Variants in SH3GL2 observed in about 807,000 individuals in gnomAD.
SH3GL2 encodes the protein endophilin-A1.
In SH3GL2, 24 loss-of-function variants were observed where a neutral mutation model predicts 46.0. That is an observed-to-expected ratio of 0.52 (90% confidence interval 0.38 to 0.73). The LOEUF (loss-of-function observed/expected upper bound fraction) is 0.73, where lower values mean the gene tolerates loss of function less well. SH3GL2 is among the 30% of genes least tolerant of loss of function. The probability of loss-of-function intolerance (pLI) is 0.00; values close to 1 mark genes in which losing one functional copy is unlikely to be tolerated. For synonymous variants in SH3GL2, 196 were observed against 147.1 expected, an observed-to-expected ratio of 1.33 and a Z score of -2.40; for missense variants, 413 against 424.2, an observed-to-expected ratio of 0.97 and a Z score of 0.23.
At chr9:17,723,404 A>G (rs1821944250) in intron 1 of SH3GL2, among the ~76,000 whole-genome samples, 1 of 152,144 alleles carries the variant, frequency 6.6e-6, no homozygotes, top group Admixed American at 6.5e-5. Context: ...ATGAGCTGTT[A>G]TTAATAATTT....
At chr9:17,677,491 A>G (rs1205073028) in intron 1 of SH3GL2, among the ~76,000 whole-genome samples, 2 of 152,180 alleles carry the variant, frequency 1.3e-5, no homozygotes, top group African/African-American at 4.8e-5. Flanking sequence ...TATGCATTAA[A>G]TGAATGAATG....
chr9:17,761,341 G>A, intron 2 of SH3GL2, 96 bp from the exon 3 acceptor site: 2 of 792,472 alleles, frequency 2.5e-6, no homozygotes, highest in Non-Finnish European at 2.3e-6. Context: ...CCGGGGCTCT[G>A]TTGCATACCC....
At chr9:17,582,128 G>T (rs1818288899) in intron 1 of SH3GL2, among the ~76,000 whole-genome samples, 1 of 152,146 alleles carries the variant, frequency 6.6e-6, no homozygotes, top group African/African-American at 2.4e-5. Context: ...TGTCACAACT[G>T]TTGTCTTATA....
chr9:17,777,670 C>A (rs931217985), intron 3 of SH3GL2, among the ~76,000 whole-genome samples: 1 of 152,044 alleles, frequency 6.6e-6, no homozygotes, highest in African/African-American at 2.4e-5. Flanking sequence ...CTCATGTAAC[C>A]TTTTCGTGGT....
intron 1 of SH3GL2, among the ~76,000 whole-genome samples, chr9:17,640,415 G>A (rs1259540732): frequency 6.6e-6 from 1 of 151,598 alleles, no homozygotes; most frequent in Non-Finnish European, 1.5e-5. Flanking sequence ...TTTTCCAAGG[G>A]CATTATTTCT....
At chr9:17,598,976 A>G (rs1023519484) in intron 1 of SH3GL2, among the ~76,000 whole-genome samples, 17 of 152,342 alleles carry the variant, frequency 1.1e-4, no homozygotes, top group African/African-American at 3.8e-4. Context: ...GGTCAATGGA[A>G]CAAAATGGAA....
intron 1 of SH3GL2, among the ~76,000 whole-genome samples, chr9:17,641,511 T>C (rs1024824944): frequency 2.6e-5 from 4 of 152,196 alleles, no homozygotes; most frequent in African/African-American, 9.7e-5. Context: ...TACATTGATA[T>C]ACATGTGCCA....
At chr9:17,772,404 A>G (rs1823510868) in intron 3 of SH3GL2, among the ~76,000 whole-genome samples, 1 of 152,188 alleles carries the variant, frequency 6.6e-6, no homozygotes. Flanking sequence ...TATTAAATAC[A>G]TTCATAATGT....
chr9:17,620,896 C>T (rs918947947), intron 1 of SH3GL2, among the ~76,000 whole-genome samples: 3 of 152,104 alleles, frequency 2.0e-5, no homozygotes, highest in Admixed American at 6.6e-5. Context: ...GGGGCATTAT[C>T]TTCAAAATAT....
intron 1 of SH3GL2, among the ~76,000 whole-genome samples, chr9:17,619,537 G>A (rs2134598142): frequency 6.6e-6 from 1 of 152,156 alleles, no homozygotes; most frequent in Non-Finnish European, 1.5e-5. Context: ...AATTAGCTGG[G>A]CTTGGTGGCA....
chr9:17,654,794 A>C (rs1434081096), intron 1 of SH3GL2, among the ~76,000 whole-genome samples: 1 of 152,206 alleles, frequency 6.6e-6, no homozygotes. Context: ...ACCCAACTGC[A>C]AAGGTGCTAT....
intron 1 of SH3GL2, among the ~76,000 whole-genome samples, chr9:17,605,478 G>C (rs1363925679): frequency 2.0e-5 from 3 of 152,032 alleles, no homozygotes; most frequent in Admixed American, 6.6e-5. Flanking sequence ...TATATGATAG[G>C]GGTAAGAGGC....
At chr9:17,709,362 T>A (rs528271517) in intron 1 of SH3GL2, among the ~76,000 whole-genome samples, 3 of 152,128 alleles carry the variant, frequency 2.0e-5, no homozygotes, top group African/African-American at 7.2e-5. Context: ...TAATCGCAGA[T>A]GTAAGAGCAT....
intron 1 of SH3GL2, among the ~76,000 whole-genome samples, chr9:17,691,558 A>T (rs1365471007): frequency 6.6e-6 from 1 of 152,028 alleles, no homozygotes; most frequent in African/African-American, 2.4e-5. Context: ...TTTGCGTATG[A>T]CTCCCACATG....
At chr9:17,598,633 A>G (rs1035314304) in intron 1 of SH3GL2, among the ~76,000 whole-genome samples, 16 of 152,190 alleles carry the variant, frequency 1.1e-4, no homozygotes, top group African/African-American at 3.4e-4. Context: ...ACTTATTGGA[A>G]TCCCTTTCTC....
chr9:17,653,474 C>T (rs979242964), intron 1 of SH3GL2, among the ~76,000 whole-genome samples: 2 of 152,070 alleles, frequency 1.3e-5, no homozygotes, highest in African/African-American at 4.8e-5. Context: ...TTCTAAGATA[C>T]TGTGTAGGTT....
At chr9:17,673,977 C>G (rs762595992) in intron 1 of SH3GL2, among the ~76,000 whole-genome samples, 2 of 152,124 alleles carry the variant, frequency 1.3e-5, no homozygotes, top group Non-Finnish European at 2.9e-5. Context: ...TCTTTAAGCT[C>G]CTTGAATGGA....
intron 2 of SH3GL2, among the ~76,000 whole-genome samples, chr9:17,750,412 G>C (rs1256649029): frequency 6.6e-6 from 1 of 151,962 alleles, no homozygotes; most frequent in African/African-American, 2.4e-5. Flanking sequence ...TCTCTAATCA[G>C]CCGCCCCAGC....
At chr9:17,647,506 T>C (rs944725310) in intron 1 of SH3GL2, among the ~76,000 whole-genome samples, 3 of 152,102 alleles carry the variant, frequency 2.0e-5, no homozygotes, top group Admixed American at 6.5e-5. Context: ...GGGATTCAAA[T>C]TGAGACCACA....
Sources: gnomAD v4.1 joint callset for allele counts (sites outside exome capture counted in the v4.1 genomes callset) on GRCh38, gnomAD v4.1.1 for gene constraint, MANE v1.5 for transcripts, NCBI Gene and HGNC (gene_info 2026-07-23, HGNC 2026-07-21) for gene names.